GRIK2: variants seen among roughly 807,000 people sequenced by gnomAD.
GRIK2 encodes the protein glutamate ionotropic receptor kainate type subunit 2, also known as glutamate receptor ionotropic, kainate 2.
Under a neutral mutation model 100.3 loss-of-function variants are expected in GRIK2, and 32 were observed. That is an observed-to-expected ratio of 0.32 (90% CI 0.24 to 0.43). The LOEUF is 0.43. GRIK2 is among the 20% of genes least tolerant of loss of function. The pLI, the probability that GRIK2 is intolerant of heterozygous loss-of-function variation, is 1.00. For missense variants in GRIK2, 843 were observed against 1,114.9 expected, an observed-to-expected ratio of 0.76 and a Z score of 3.47; for synonymous variants, 417 against 389.4, an observed-to-expected ratio of 1.07 and a Z score of -0.83.
At chr6:101,867,333 C>T (rs1203213066) in intron 11 of GRIK2, among the ~76,000 whole-genome samples, 3 of 151,616 alleles carry the variant, frequency 2.0e-5, no homozygotes, top group African/African-American at 7.3e-5. Context: ...ACGATAGAGA[C>T]ATTAGGAATT....
At chr6:101,726,258 T>C (rs987759188) in intron 7 of GRIK2, among the ~76,000 whole-genome samples, 1 of 151,970 alleles carries the variant, frequency 6.6e-6, no homozygotes, top group African/African-American at 2.4e-5. Context: ...AGCCTCTATG[T>C]TTAATAGAAA....
intron 1 of GRIK2, among the ~76,000 whole-genome samples, chr6:101,398,240 T>A (rs753491167): frequency 2.0e-5 from 3 of 152,230 alleles, no homozygotes; most frequent in Non-Finnish European, 4.4e-5. Context: ...TAGAGTTTGC[T>A]GCACCCATTC....
At chr6:102,015,878 C>G (rs570557360) in intron 14 of GRIK2, among the ~76,000 whole-genome samples, 1 of 152,246 alleles carries the variant, frequency 6.6e-6, no homozygotes, top group South Asian at 2.1e-4. Flanking sequence ...AAAATCCAGT[C>G]CAGGAGTCCT....
intron 12 of GRIK2, among the ~76,000 whole-genome samples, chr6:101,905,908 G>A (rs528519467): frequency 2.0e-5 from 3 of 151,470 alleles, no homozygotes; most frequent in Non-Finnish European, 4.4e-5. Flanking sequence ...ACTACATGGG[G>A]AAATGATGAC....
chr6:101,946,783 G>C (rs1440247033), intron 14 of GRIK2, among the ~76,000 whole-genome samples: 1 of 152,102 alleles, frequency 6.6e-6, no homozygotes, highest in East Asian at 1.9e-4. Context: ...GATGGAGGCA[G>C]AGTGGTATTG....
intron 2 of GRIK2, among the ~76,000 whole-genome samples, chr6:101,435,005 G>A (rs1023187877): frequency 5.3e-5 from 8 of 152,150 alleles, no homozygotes; most frequent in Non-Finnish European, 1.0e-4. Context: ...AACTGAGCCT[G>A]CACTTTCAAA....
At chr6:101,456,102 C>G (rs1770996198) in intron 2 of GRIK2, among the ~76,000 whole-genome samples, 1 of 147,746 alleles carries the variant, frequency 6.8e-6, no homozygotes, top group Non-Finnish European at 1.5e-5. Context: ...TGGACATTAG[C>G]AGGAATTGGG....
chr6:101,802,316 T>C lies in GRIK2; in HGVS notation c.1096-15T>C. On this transcript the variant is annotated splice_polypyrimidine_tract_variant and intron_variant, in intron 8 of 16. Transcript: ENST00000369134. ...TCTTCACTTATTTATTATCAATGTT[T>C]TTCTATTCCCATAGGCACATTGGGA... 1 of 1,148,430 alleles carries C rather than the reference T, an allele frequency of 8.7e-7. No individual in the cohort carries two copies. The highest frequency in any genetic ancestry group is 1.2e-6 in the Non-Finnish European group (1 of 801,826). The allele number at this position is 1,148,430 out of a possible 1,614,324, so 71.1% of individuals were successfully genotyped here.
At chr6:101,772,886 C>G (rs1190451334) in intron 7 of GRIK2, among the ~76,000 whole-genome samples, 1 of 152,078 alleles carries the variant, frequency 6.6e-6, no homozygotes, top group East Asian at 2.0e-4. Context: ...GTCCCACTCA[C>G]ATACTGTAAG....
At chr6:101,913,079 C>A (rs1230921252) in intron 12 of GRIK2, among the ~76,000 whole-genome samples, 1 of 151,432 alleles carries the variant, frequency 6.6e-6, no homozygotes, top group Non-Finnish European at 1.5e-5. Context: ...TAAATCTGCT[C>A]AAGAAGTAGA....
At chr6:101,748,234 T>TAG (rs1170885426) in intron 7 of GRIK2, among the ~76,000 whole-genome samples, 7 of 152,156 alleles carry the variant, frequency 4.6e-5, no homozygotes, top group African/African-American at 1.7e-4. Flanking sequence ...AGAAATGAAG[T>TAG]AGACTAAGAT....
intron 7 of GRIK2, among the ~76,000 whole-genome samples, chr6:101,799,131 A>G (rs760969104): frequency 8.5e-5 from 13 of 152,180 alleles, no homozygotes; most frequent in Non-Finnish European, 1.9e-4. Context: ...TTTTAAAGCT[A>G]AAAGATTAAA....
In GRIK2 at chr6:101,903,988, G is replaced by T. The variant is rs188424654; in HGVS notation, c.1748+14125G>T. On this transcript the variant is annotated intron_variant, in intron 12 of 16. Coordinates refer to ENST00000369134, the MANE Select transcript of GRIK2 (RefSeq NM_021956.5). Reference sequence around the variant, plus strand: ...GGAATTCACTATTAACAAATTAAAGGCTCTGAAAATTCTTGCAATAAAGAA... The same window carrying T: ...GGAATTCACTATTAACAAATTAAAGTCTCTGAAAATTCTTGCAATAAAGAA... Among the ~76,000 whole-genome samples, 429 of 151,404 alleles carry T rather than the reference G, an allele frequency of 2.8e-3. 2 individuals carry two copies. The highest frequency in any genetic ancestry group is 0.01 in the African/African-American group (416 of 41,418).
rs538049874 is a variant in GRIK2 at position 101,559,210 on chromosome 6, T to A, written c.116-62739T>A. On this transcript the variant is annotated intron_variant, in intron 2 of 16. Transcript: ENST00000369134. ...TGCAGCCTCTTCTCCAGTTTTTTTT[T>A]ATACCAGAGTTAAAATATAGTTTAA... Among the ~76,000 whole-genome samples the A allele has an allele frequency of 4.6e-5, 7 of 152,278 alleles. No individual in the cohort carries two copies. In the South Asian group the frequency reaches 8.3e-4, roughly 18 times the overall value.
Position 101,490,061 on chromosome 6 carries a change from T to A in GRIK2, c.115+90669T>A, listed in dbSNP as rs930562025. Among the ~76,000 whole-genome samples, 11 of 146,380 alleles carry A rather than the reference T, an allele frequency of 7.5e-5. 3 individuals are homozygous for A. Among genetic ancestry groups the A allele is most frequent in the African/African-American group, 2.9e-4 (11 of 38,432 alleles). On this transcript the variant is annotated intron_variant, in intron 2 of 16. Transcript: ENST00000369134. Reference sequence around the variant, plus strand: ...AAGAGTATGTTCAGCAATATGATAGTCTCATAAAAAGACACAGAGGATACA... The same window carrying A: ...AAGAGTATGTTCAGCAATATGATAGACTCATAAAAAGACACAGAGGATACA...
intron 11 of GRIK2, among the ~76,000 whole-genome samples, chr6:101,886,505 T>C (rs1786628119): frequency 6.6e-6 from 1 of 151,976 alleles, no homozygotes; most frequent in Admixed American, 6.6e-5. Flanking sequence ...TTTTAAAATT[T>C]AATATATGAC....
At chr6:101,666,494 T>C (rs777098235) in intron 4 of GRIK2, among the ~76,000 whole-genome samples, 4 of 152,176 alleles carry the variant, frequency 2.6e-5, no homozygotes, top group Non-Finnish European at 5.9e-5. Flanking sequence ...GCCTCTACCA[T>C]GAATCACATT....
At chr6:101,753,012 G>A (rs1014004121) in intron 7 of GRIK2, among the ~76,000 whole-genome samples, 1 of 151,890 alleles carries the variant, frequency 6.6e-6, no homozygotes, top group Non-Finnish European at 1.5e-5. Context: ...AAAATAAGAC[G>A]GGCTGGGCGC....
intron 2 of GRIK2, among the ~76,000 whole-genome samples, chr6:101,552,273 C>A (rs543314627): frequency 3.9e-5 from 6 of 152,126 alleles, no homozygotes; most frequent in Non-Finnish European, 7.4e-5. Flanking sequence ...ATTCCCTGGG[C>A]AGTTTTTGGT....
Sources: gnomAD v4.1 joint callset for allele counts (sites outside exome capture counted in the v4.1 genomes callset) on GRCh38, gnomAD v4.1.1 for gene constraint, MANE v1.5 for transcripts, NCBI Gene and HGNC (gene_info 2026-07-23, HGNC 2026-07-21) for gene names.